Variants in KDM4D observed in about 807,000 individuals in gnomAD.
KDM4D encodes the protein lysine-specific demethylase 4D.
For synonymous variants in KDM4D, 254 were observed against 249.1 expected (o/e 1.02, Z -0.19); for missense variants, 427 against 674.8 (o/e 0.63, Z 4.07).
At position 94,997,466 on chromosome 11, in the gene KDM4D, G is replaced by C. The variant is rs1555099336; in HGVS notation, c.94G>C (p.Asp32His). The C allele has an allele frequency of 5.0e-6, 8 of 1,613,894 alleles. No individual in the cohort carries two copies. Among genetic ancestry groups the C allele is most frequent in the Non-Finnish European group, 6.8e-6 (8 of 1,179,930 alleles). Residue 32 changes from aspartate (D) to histidine (H), a missense_variant, in exon 3 of 3, where the codon GAT (aspartate) becomes CAT (histidine). Transcript: ENST00000335080. ...HPTKEEFNDF[D>H]KYIAYMESQG... The stretch of plus-strand genomic sequence containing the variant: ...AACCAAAGAAGAGTTTAATGATTTT[G>C]ATAAATATATTGCTTACATGGAATC...
chr11:94,976,360 A>T (rs1372714908), intron 2 of KDM4D, among the ~76,000 whole-genome samples: 2 of 152,088 alleles, frequency 1.3e-5, no homozygotes, highest in Non-Finnish European at 2.9e-5. Flanking sequence ...CTGGCAGTAG[A>T]TCTTCTCAGT....
Position 94,997,712 on chromosome 11 carries a change from C to G in KDM4D, c.340C>G (p.Pro114Ala), listed in dbSNP as rs782170198. The change falls in exon 3 of 3, where the codon CCA becomes GCA. Residue 114 changes from proline (P) to alanine (A), a missense_variant. Coordinates refer to ENST00000335080, the MANE Select transcript of KDM4D (RefSeq NM_018039.3). Reference sequence around the variant, plus strand: ...AAACAGTAAAAAATATCAGACTCCACCACACCAGAATTTCGAAGATTTGGA... The same window carrying G: ...AAACAGTAAAAAATATCAGACTCCAGCACACCAGAATTTCGAAGATTTGGA... ...LANSKKYQTP[P>A]HQNFEDLERK... is the part of the protein sequence containing the mutation. The G allele has an allele frequency of 3.1e-6, 5 of 1,614,200 alleles. No individual in the cohort carries two copies. The South Asian group carries it at 4.4e-5, about 14-fold the overall frequency.
At chr11:94,987,370 G>A (rs1187822181) in intron 2 of KDM4D, among the ~76,000 whole-genome samples, 4 of 152,094 alleles carry the variant, frequency 2.6e-5, no homozygotes, top group Non-Finnish European at 5.9e-5. Flanking sequence ...AAATATTAAG[G>A]TTTCAGTTCT....
chr11:94,986,921 C>T (rs587763409), intron 2 of KDM4D, among the ~76,000 whole-genome samples: 2 of 152,264 alleles, frequency 1.3e-5, no homozygotes, highest in South Asian at 4.1e-4. Context: ...CCCAATTGTC[C>T]ATCAAATGAT....
intron 2 of KDM4D, among the ~76,000 whole-genome samples, chr11:94,989,639 A>C (rs1486807082): frequency 1.3e-5 from 2 of 151,756 alleles, no homozygotes; most frequent in Non-Finnish European, 2.9e-5. Flanking sequence ...CTTTATATCC[A>C]CACTCCTCTA....
At chr11:94,978,682 C>T (rs1282557141) in intron 2 of KDM4D, among the ~76,000 whole-genome samples, 3 of 152,046 alleles carry the variant, frequency 2.0e-5, no homozygotes, top group Admixed American at 6.6e-5. Flanking sequence ...TAAAATCAAA[C>T]ATATTAAAAA....
chr11:94,991,031 T>C (rs1220160998), intron 2 of KDM4D, among the ~76,000 whole-genome samples: 2 of 152,176 alleles, frequency 1.3e-5, no homozygotes, highest in Non-Finnish European at 2.9e-5. Context: ...GGAAAATAAG[T>C]TGATAAAGTG....
intron 1 of KDM4D, among the ~76,000 whole-genome samples, chr11:94,975,093 C>A (rs1174941221): frequency 6.6e-6 from 1 of 152,214 alleles, no homozygotes; most frequent in African/African-American, 2.4e-5. Context: ...GTGGGCATTT[C>A]TGTTTTATAA....
intron 1 of KDM4D, among the ~76,000 whole-genome samples, chr11:94,975,295 T>G (rs905394103): frequency 1.3e-5 from 2 of 152,196 alleles, no homozygotes; most frequent in Admixed American, 1.3e-4. Context: ...CACTAAACAT[T>G]ACCAGAGTCT....
Position 94,986,435 on chromosome 11 carries a change from T to TA in KDM4D, c.-349-10579dup, listed in dbSNP as rs1246412871. ...TGAGACCCTGTCTCTACCAAAAATT[T>TA]AAAAAAAAAATTAGCCAGGCATGGT... On this transcript the variant is annotated intron_variant, in intron 2 of 2. Coordinates refer to ENST00000335080, the MANE Select transcript of KDM4D (RefSeq NM_018039.3). Among the ~76,000 whole-genome samples the TA allele has an allele frequency of 3.0e-3, 443 of 148,746 alleles. 3 individuals carry two copies. The highest frequency in any genetic ancestry group is 9.7e-3 in the African/African-American group (395 of 40,534).
chr11:94,990,404 A>G (rs1197305576), intron 2 of KDM4D, among the ~76,000 whole-genome samples: 1 of 152,226 alleles, frequency 6.6e-6, no homozygotes, highest in Non-Finnish European at 1.5e-5. Context: ...GAGAAGGAAG[A>G]GATAAGTGAA....
chr11:94,994,791 A>G (rs4388846), intron 2 of KDM4D, among the ~76,000 whole-genome samples: 149,587 of 149,610 alleles, frequency 1, 74,782 homozygotes, highest in Middle Eastern at 1. Context: ...GTTGGGTGGG[A>G]GAGAGAGAGA....
intron 2 of KDM4D, among the ~76,000 whole-genome samples, chr11:94,979,449 C>T (rs1055971327): frequency 4.6e-5 from 7 of 152,082 alleles, no homozygotes; most frequent in African/African-American, 1.7e-4. Context: ...AGGCTGGCCT[C>T]GAACTCCTGA....
At position 94,997,181 on chromosome 11, in the gene KDM4D, C is replaced by G. The variant is rs1857981751; in HGVS notation, c.-192C>G. On this transcript the variant is annotated 5_prime_UTR_variant, in exon 3 of 3. Coordinates refer to ENST00000335080, the MANE Select transcript of KDM4D (RefSeq NM_018039.3). The stretch of plus-strand genomic sequence containing the variant: ...GTCAATGCCTGGGCAAAGCTGCTGC[C>G]CAGAGTGGAATCTCACTAGTGAATA... 4.3e-6 allele frequency: 2 copies of G among 466,422 alleles called. No individual in the cohort carries two copies. 28.9% of individuals were successfully genotyped at this position (466,422 alleles called of 1,614,324 possible). A position where few individuals can be genotyped will look rare whatever the true frequency, so the allele number is the denominator to read the frequency against.
intron 2 of KDM4D, among the ~76,000 whole-genome samples, chr11:94,990,182 C>G (rs947001504): frequency 2.6e-5 from 4 of 152,216 alleles, no homozygotes; most frequent in Non-Finnish European, 5.9e-5. Flanking sequence ...TCCCTTAAGG[C>G]AAGTGCCCAT....
In KDM4D at chr11:94,997,492, C is replaced by T; in HGVS notation, c.120C>T (p.Ser40=). 5.6e-6 allele frequency: 9 copies of T among 1,614,000 alleles called. No individual in the cohort carries two copies. The highest frequency in any genetic ancestry group is 5.9e-6 in the Non-Finnish European group (7 of 1,179,962). The change falls in exon 3 of 3, where the codon TCC becomes TCT. Residue 40 remains serine (S), a synonymous_variant. Coordinates refer to ENST00000335080, the MANE Select transcript of KDM4D (RefSeq NM_018039.3). ...ATAAATATATTGCTTACATGGAATC[C>T]CAAGGTGCACACAGAGCTGGCTTGG... ...DFDKYIAYME[S]QGAHRAGLAK...
intron 2 of KDM4D, among the ~76,000 whole-genome samples, chr11:94,978,300 C>T (rs781975811): frequency 6.6e-6 from 1 of 150,708 alleles, no homozygotes; most frequent in Non-Finnish European, 1.5e-5. Context: ...AATAGGAATA[C>T]GAAAAAAAAA....
At position 94,998,896 on chromosome 11, in the gene KDM4D, C is replaced by T; in HGVS notation, c.1524C>T (p.Leu508=). The change falls in exon 3 of 3, where the codon CTC becomes CTT. Residue 508 remains leucine, a synonymous_variant. Transcript: ENST00000335080. This position sits in a 1 kb window ranked among gnomAD's most constrained non-coding sequence, Gnocchi z 6.7. The stretch of plus-strand genomic sequence containing the variant: ...AGCCTGTACCACTGAGCCCAGGGCT[C>T]CAGCATCCTGTCAAGGCTTCTGGGT... ...MDKPVPLSPG[L]QHPVKASGCS... The T allele has an allele frequency of 2.0e-6, 3 of 1,516,534 alleles. No homozygotes were observed. The highest frequency in any genetic ancestry group is 2.6e-6 in the Non-Finnish European group (3 of 1,132,498). The allele number at this position is 1,516,534 out of a possible 1,614,324, so 93.9% of individuals were successfully genotyped here. A position where few individuals can be genotyped will look rare whatever the true frequency, so the allele number is the denominator to read the frequency against.
At chr11:94,985,020 ATATT>A (rs1338872036) in intron 2 of KDM4D, among the ~76,000 whole-genome samples, 9 of 152,232 alleles carry the variant, frequency 5.9e-5, no homozygotes, top group African/African-American at 1.9e-4. Context: ...TTCATCTGAA[ATATT>A]TATTTATTTC....
Sources: gnomAD v4.1 joint callset for allele counts (sites outside exome capture counted in the v4.1 genomes callset) on GRCh38, gnomAD v4.1.1 for gene constraint, Gnocchi (gnomAD v3.1) non-coding constraint, MANE v1.5 for transcripts, NCBI Gene and HGNC (gene_info 2026-07-23, HGNC 2026-07-21) for gene names.